The following DPYD variants were observed in gnomAD, a reference collection of about 807,000 sequenced individuals.
The protein encoded by DPYD is dihydropyrimidine dehydrogenase.
A neutral mutation model predicts 116.2 loss-of-function variants in DPYD; 109 were observed. That is an observed-to-expected ratio of 0.94 (90% CI 0.80 to 1.10). The LOEUF is 1.10. Among genes scored for constraint, DPYD ranks in the 50% least tolerant of loss-of-function variants. The pLI, the probability that DPYD is intolerant of heterozygous loss-of-function variation, is 0.00. For missense variants in DPYD, 1,302 were observed against 1,254.5 expected, an observed-to-expected ratio of 1.04 and a Z score of -0.57; for synonymous variants, 440 against 432.0, an observed-to-expected ratio of 1.02 and a Z score of -0.23.
At chr1:97,912,081 C>A (rs759171234) in intron 1 of DPYD, among the ~76,000 whole-genome samples, 7 of 152,080 alleles carry the variant, frequency 4.6e-5, no homozygotes, top group African/African-American at 7.2e-5. Flanking sequence ...ATGAGGCAAA[C>A]GGTTAAACTG....
chr1:97,880,996 C>T (rs1003199373), intron 2 of DPYD, among the ~76,000 whole-genome samples: 6 of 151,936 alleles, frequency 3.9e-5, no homozygotes, highest in South Asian at 2.1e-4. Flanking sequence ...TAAGATAATC[C>T]TCTTTGTGCT....
At chr1:97,614,482 TA>T (rs1282348632) in intron 8 of DPYD, among the ~76,000 whole-genome samples, 1 of 152,154 alleles carries the variant, frequency 6.6e-6, no homozygotes, top group Admixed American at 6.6e-5. Flanking sequence ...CATAGTAGAC[TA>T]GAGATAAAAG....
At chr1:97,763,095 T>G (rs1331036078) in intron 3 of DPYD, among the ~76,000 whole-genome samples, 1 of 152,080 alleles carries the variant, frequency 6.6e-6, no homozygotes, top group Non-Finnish European at 1.5e-5. Context: ...TTCCTAATAT[T>G]CTTGACTGAG....
chr1:97,455,874 AT>A (rs1486325232), intron 13 of DPYD, among the ~76,000 whole-genome samples: 2 of 151,952 alleles, frequency 1.3e-5, no homozygotes, highest in African/African-American at 4.8e-5. Flanking sequence ...AGTAGCTTAT[AT>A]AACGACAGTA....
chr1:97,360,756 T>C (rs1027472920), intron 16 of DPYD, among the ~76,000 whole-genome samples: 5 of 152,166 alleles, frequency 3.3e-5, no homozygotes, highest in African/African-American at 1.2e-4. Context: ...TTGAAACCAA[T>C]GAGAACAAAG....
At chr1:97,456,035 AAAT>A (rs1262835096) in intron 13 of DPYD, among the ~76,000 whole-genome samples, 1 of 151,942 alleles carries the variant, frequency 6.6e-6, no homozygotes, top group African/African-American at 2.4e-5. Context: ...GACATTGTAG[AAAT>A]AATAATATTT....
intron 2 of DPYD, among the ~76,000 whole-genome samples, chr1:97,882,279 T>C (rs1672264424): frequency 6.6e-6 from 1 of 152,020 alleles, no homozygotes; most frequent in Admixed American, 6.6e-5. Context: ...TAACATTGTT[T>C]CTCTGTTTCT....
In DPYD at chr1:97,868,322, C is replaced by A. The variant is rs1157103831; in HGVS notation, c.150+14942G>T. 4.0e-5 allele frequency among the ~76,000 whole-genome samples: 6 copies of A among 151,678 alleles called. No homozygotes were observed. The East Asian group carries it at 1.2e-3, about 29-fold the overall frequency. The stretch of plus-strand genomic sequence containing the variant: ...CAGTAGGCCATAAAGGAAGGGTTCT[C>A]ACATACACTCTTGATAACATACTAT... On this transcript the variant is annotated intron_variant, in intron 2 of 22. Coordinates refer to ENST00000370192, the MANE Select transcript of DPYD (RefSeq NM_000110.4).
At chr1:97,257,923 G>T (rs2100837270) in intron 18 of DPYD, among the ~76,000 whole-genome samples, 1 of 152,174 alleles carries the variant, frequency 6.6e-6, no homozygotes, top group Non-Finnish European at 1.5e-5. Context: ...ACAAATCAGA[G>T]AAAAGTGTAT....
intron 8 of DPYD, among the ~76,000 whole-genome samples, chr1:97,630,729 T>C (rs1657208413): frequency 6.6e-6 from 1 of 152,146 alleles, no homozygotes; most frequent in Non-Finnish European, 1.5e-5. Context: ...TAAGAAAGTA[T>C]GGTTTTGTGG....
At chr1:97,283,758 G>A (rs1355721145) in intron 18 of DPYD, among the ~76,000 whole-genome samples, 4 of 152,080 alleles carry the variant, frequency 2.6e-5, no homozygotes, top group Non-Finnish European at 4.4e-5. Flanking sequence ...TATTATTTAA[G>A]AATGAGTGTT....
chr1:97,912,067 G>T (rs188682150), intron 1 of DPYD, among the ~76,000 whole-genome samples: 1 of 152,088 alleles, frequency 6.6e-6, no homozygotes, highest in Admixed American at 6.5e-5. Flanking sequence ...TCAGTGTTAG[G>T]AAGATGAGGC....
intron 14 of DPYD, among the ~76,000 whole-genome samples, chr1:97,407,932 A>G (rs1673764129): frequency 6.6e-6 from 1 of 152,180 alleles, no homozygotes; most frequent in Admixed American, 6.6e-5. Context: ...GCTACCTCTC[A>G]GTCAACAGTC....
intron 10 of DPYD, among the ~76,000 whole-genome samples, chr1:97,577,947 G>A (rs1653383776): frequency 6.6e-6 from 1 of 152,108 alleles, no homozygotes; most frequent in African/African-American, 2.4e-5. Flanking sequence ...CCCAGTTCAA[G>A]TGATTCTCCT....
At chr1:97,220,861 A>G (rs1660729174) in intron 19 of DPYD, among the ~76,000 whole-genome samples, 1 of 152,116 alleles carries the variant, frequency 6.6e-6, no homozygotes, top group African/African-American at 2.4e-5. Context: ...TAGATCAATC[A>G]CACATGCATC....
intron 20 of DPYD, among the ~76,000 whole-genome samples, chr1:97,174,786 T>G (rs185512938): frequency 1.5e-4 from 23 of 152,322 alleles, no homozygotes; most frequent in Admixed American, 9.2e-4. Context: ...TTATAATATG[T>G]AGGATTTATA....
At chr1:97,787,806 A>T (rs1213811965) in intron 3 of DPYD, among the ~76,000 whole-genome samples, 1 of 152,228 alleles carries the variant, frequency 6.6e-6, no homozygotes, top group African/African-American at 2.4e-5. Context: ...AAATATAAGC[A>T]TATATAAACA....
intron 11 of DPYD, among the ~76,000 whole-genome samples, chr1:97,573,251 G>A (rs1653026457): frequency 6.6e-6 from 1 of 151,832 alleles, no homozygotes; most frequent in South Asian, 2.1e-4. Flanking sequence ...GTTTTTCTTA[G>A]CATGCTCATT....
intron 20 of DPYD, among the ~76,000 whole-genome samples, chr1:97,134,986 TATA>T (rs1019467778): frequency 3.3e-5 from 5 of 152,126 alleles, no homozygotes; most frequent in East Asian, 1.9e-4. Flanking sequence ...CTTATATATA[TATA>T]TTTTTTTTAT....
Sources: gnomAD v4.1 joint callset for allele counts (sites outside exome capture counted in the v4.1 genomes callset) on GRCh38, gnomAD v4.1.1 for gene constraint, MANE v1.5 for transcripts, NCBI Gene and HGNC (gene_info 2026-07-23, HGNC 2026-07-21) for gene names.